KAZN: variants seen among roughly 807,000 people sequenced by gnomAD.
KAZN encodes the protein kazrin, periplakin interacting protein, also known as kazrin.
Under a neutral mutation model 87.4 loss-of-function variants are expected in KAZN, and 40 were observed. The ratio of observed to expected loss-of-function variants is 0.46; its 90% CI spans 0.36 to 0.60. KAZN has a LOEUF of 0.60. KAZN is among the 20% of genes least tolerant of loss of function. The pLI is 0.00. For synonymous variants in KAZN, 466 were observed against 458.3 expected, an observed-to-expected ratio of 1.02 and a Z score of -0.22; for missense variants, 898 against 1,073.9, an observed-to-expected ratio of 0.84 and a Z score of 2.29.
chr1:15,047,959 G>A (rs1468922116), intron 4 of KAZN, among the ~76,000 whole-genome samples: 2 of 152,306 alleles, frequency 1.3e-5, no homozygotes, highest in East Asian at 3.9e-4. Context: ...TTACCCAGGG[G>A]TCCTGGCTGT....
chr1:15,086,633 A>G (rs1313324283), intron 8 of KAZN, among the ~76,000 whole-genome samples: 1 of 152,252 alleles, frequency 6.6e-6, no homozygotes, highest in Non-Finnish European at 1.5e-5. Flanking sequence ...ATTTTAAGCA[A>G]ACGTTATCAG....
At chr1:14,744,781 T>C (rs1165084590) in intron 1 of KAZN, among the ~76,000 whole-genome samples, 1 of 152,130 alleles carries the variant, frequency 6.6e-6, no homozygotes, top group East Asian at 1.9e-4. Flanking sequence ...GCAAAGTCCA[T>C]AGTTCATAAG....
At chr1:14,050,096 G>A (rs979603851) in intron 1 of KAZN, among the ~76,000 whole-genome samples, 10 of 143,066 alleles carry the variant, frequency 7.0e-5, no homozygotes, top group Non-Finnish European at 1.4e-4. Flanking sequence ...GTACATGTGT[G>A]CATGTATGTG....
At chr1:14,798,843 C>T (rs1228343625) in intron 1 of KAZN, among the ~76,000 whole-genome samples, 1 of 152,064 alleles carries the variant, frequency 6.6e-6, no homozygotes, top group African/African-American at 2.4e-5. Flanking sequence ...TCACTGCAGC[C>T]TCTGCCTCCC....
At chr1:14,409,613 C>T (rs1028961868) in intron 2 of KAZN, among the ~76,000 whole-genome samples, 1 of 152,130 alleles carries the variant, frequency 6.6e-6, no homozygotes, top group South Asian at 2.1e-4. Context: ...AAGAAGCCAA[C>T]ACAAAACGGC....
At chr1:14,671,421 G>A (rs538247518) in intron 1 of KAZN, among the ~76,000 whole-genome samples, 20 of 152,318 alleles carry the variant, frequency 1.3e-4, no homozygotes, top group Admixed American at 4.6e-4. Flanking sequence ...CTGGTGCTGG[G>A]TCACGTACTG....
chr1:14,768,040 C>T (rs1212258154), intron 1 of KAZN, among the ~76,000 whole-genome samples: 1 of 152,136 alleles, frequency 6.6e-6, no homozygotes, highest in Admixed American at 6.5e-5. Flanking sequence ...TCTTAATGCA[C>T]GCGTATGTCG....
At chr1:14,049,814 C>T (rs1016417601) in intron 1 of KAZN, among the ~76,000 whole-genome samples, 1 of 152,214 alleles carries the variant, frequency 6.6e-6, no homozygotes, top group African/African-American at 2.4e-5. Flanking sequence ...TCTCAGGGAG[C>T]TCTCATGATA....
intron 2 of KAZN, among the ~76,000 whole-genome samples, chr1:14,576,463 T>A (rs1372558917): frequency 6.7e-6 from 1 of 149,902 alleles, no homozygotes; most frequent in Admixed American, 6.6e-5. Flanking sequence ...ATGGATATAT[T>A]AATGGATGGA....
Position 14,735,223 on chromosome 1 carries a change from C to A in KAZN, c.226+136000C>A, listed in dbSNP as rs1313458288. 6.6e-6 allele frequency among the ~76,000 whole-genome samples: 1 copy of A among 152,088 alleles called. No individual in the cohort carries two copies. The highest frequency in any genetic ancestry group is 2.4e-5 in the African/African-American group (1 of 41,388). ...TACAGGCACCCGCCACCATGCCCGG[C>A]TAATTTTTTTGTATTTTTAGTAGAG... On this transcript the variant is annotated intron_variant, in intron 1 of 14. Coordinates refer to ENST00000376030, the MANE Select transcript of KAZN (RefSeq NM_201628.3). This position sits in a 1 kb window ranked among gnomAD's most constrained non-coding sequence, Gnocchi z 4.3.
chr1:14,146,585 T>G (rs1645357750), intron 1 of KAZN, among the ~76,000 whole-genome samples: 1 of 141,364 alleles, frequency 7.1e-6, no homozygotes, highest in African/African-American at 2.7e-5. Context: ...AGAAAGAAGA[T>G]GTGGAGGTAA....
rs146626912 is a variant in KAZN, at chr1:14,888,826, C to T, written c.227-71858C>T. Among the ~76,000 whole-genome samples the T allele has an allele frequency of 2.3e-3, 353 of 152,220 alleles. 2 individuals are homozygous for T. The highest frequency in any genetic ancestry group is 7.7e-3 in the African/African-American group (318 of 41,530). ...GTGGCTCTGCTCGGTGTCATCTCCCCGCCAGGACCCAGGCTGATCAGAAGC... is the reference window on the plus strand; with the variant it reads ...GTGGCTCTGCTCGGTGTCATCTCCCTGCCAGGACCCAGGCTGATCAGAAGC... On this transcript the variant is annotated intron_variant, in intron 1 of 14. Coordinates refer to ENST00000376030, the MANE Select transcript of KAZN (RefSeq NM_201628.3).
intron 2 of KAZN, among the ~76,000 whole-genome samples, chr1:14,588,329 T>C (rs971420350): frequency 6.6e-6 from 1 of 152,232 alleles, no homozygotes; most frequent in Non-Finnish European, 1.5e-5. Context: ...TGAAATTTAA[T>C]GTAAAATATC....
At chr1:14,314,590 A>T (rs1655526228) in intron 2 of KAZN, among the ~76,000 whole-genome samples, 1 of 152,146 alleles carries the variant, frequency 6.6e-6, no homozygotes, top group Admixed American at 6.6e-5. Flanking sequence ...CGCAGTTCTC[A>T]ATCACTGCAT....
intron 2 of KAZN, among the ~76,000 whole-genome samples, chr1:14,460,909 A>C (rs1309513717): frequency 6.6e-6 from 1 of 152,220 alleles, no homozygotes; most frequent in African/African-American, 2.4e-5. Context: ...CTGAGAACTG[A>C]GTCTCAGAAA....
At chr1:14,758,908 G>GAA (rs34433134) in intron 1 of KAZN, among the ~76,000 whole-genome samples, 4,035 of 147,538 alleles carry the variant, frequency 0.027, 83 homozygotes, top group South Asian at 0.078. Flanking sequence ...TTTGAATCCA[G>GAA]AAAAAAAAAA....
chr1:14,169,414 T>C (rs1645902424), intron 1 of KAZN, among the ~76,000 whole-genome samples: 2 of 152,162 alleles, frequency 1.3e-5, no homozygotes, highest in South Asian at 4.1e-4. Flanking sequence ...GTTTCCATGT[T>C]ATATGTCCAG....
rs970467184 is a variant in KAZN, at chr1:14,662,204, G to A, written c.226+62981G>A. On this transcript the variant is annotated intron_variant, in intron 1 of 14. Coordinates refer to ENST00000376030, the MANE Select transcript of KAZN (RefSeq NM_201628.3). ...CCCCCAGGGGCAGGCTTTAGCCAGC[G>A]GCCGGCAGGACTGGACAGCAGCTGT... 1.3e-4 allele frequency among the ~76,000 whole-genome samples: 20 copies of A among 152,238 alleles called. 1 individual carries two copies. Among genetic ancestry groups the A allele is most frequent in the African/African-American group, 3.6e-4 (15 of 41,552 alleles).
At chr1:14,233,578 A>G (rs1231838203) in intron 2 of KAZN, among the ~76,000 whole-genome samples, 1 of 152,234 alleles carries the variant, frequency 6.6e-6, no homozygotes, top group South Asian at 2.1e-4. Flanking sequence ...TATGAAAGCC[A>G]AAATCAGCTG....
Sources: allele counts gnomAD v4.1 joint callset (sites outside exome capture counted in the v4.1 genomes callset), GRCh38; gene constraint gnomAD v4.1.1; non-coding constraint Gnocchi (gnomAD v3.1); transcripts MANE v1.5; gene names NCBI Gene and HGNC (gene_info 2026-07-23, HGNC 2026-07-21).